Variants in CHL1 observed in about 807,000 individuals in gnomAD.
The protein encoded by CHL1 is cell adhesion molecule L1 like.
A neutral mutation model predicts 141.9 loss-of-function variants in CHL1; 96 were observed. That is an observed-to-expected ratio of 0.68 (90% confidence interval 0.57 to 0.80). The LOEUF is 0.80. Among genes scored for constraint, CHL1 ranks in the 30% least tolerant of loss-of-function variants. CHL1 has a pLI of 0.00. For synonymous variants in CHL1, 613 were observed against 502.2 expected (o/e 1.22, Z -2.95); for missense variants, 1,820 against 1,457.2 (o/e 1.25, Z -4.05).
rs1698319713 is a variant in CHL1, at chr3:297,686, C to G, written c.-94-21997C>G. ...TGTCCTGATAGAACACTTCAAATAC[C>G]ATTTGGCTGCTACTTCTCTCTGGGT... On this transcript the variant is annotated intron_variant, in intron 2 of 27. Coordinates refer to ENST00000256509, the MANE Select transcript of CHL1 (RefSeq NM_006614.4). Among the ~76,000 whole-genome samples, 4 of 152,108 alleles carry G rather than the reference C, an allele frequency of 2.6e-5. No homozygotes were observed. In the South Asian group the frequency reaches 8.3e-4, roughly 32 times the overall value.
Position 319,667 on chromosome 3 carries a change from C to T in CHL1, c.-94-16C>T. The T allele has an allele frequency of 1.0e-5, 5 of 495,356 alleles. No individual in the cohort carries two copies. Among genetic ancestry groups the T allele is most frequent in the South Asian group, 2.1e-5 (1 of 47,458 alleles). The allele number at this position is 495,356 out of a possible 1,614,324, so 30.7% of individuals were successfully genotyped here. On this transcript the variant is annotated splice_polypyrimidine_tract_variant and intron_variant, in intron 2 of 27. Transcript: ENST00000256509. Reference sequence around the variant, plus strand: ...AGAGTTTGTGAACTAACATGTTATTCTGTTTGTGTTTTTAGTTTCCAGGTT... The same window carrying T: ...AGAGTTTGTGAACTAACATGTTATTTTGTTTGTGTTTTTAGTTTCCAGGTT...
chr3:336,834 A>G (rs967567979), intron 5 of CHL1, among the ~76,000 whole-genome samples: 1 of 152,204 alleles, frequency 6.6e-6, no homozygotes, highest in African/African-American at 2.4e-5. Flanking sequence ...GAGCTCCTGC[A>G]AATTTTGTAT....
At chr3:337,544 G>A (rs1206220075) in intron 5 of CHL1, among the ~76,000 whole-genome samples, 13 of 145,862 alleles carry the variant, frequency 8.9e-5, no homozygotes, top group East Asian at 2.0e-4. Flanking sequence ...AGGCCCCGGT[G>A]TGTGATGTCC....
At chr3:294,557 T>A (rs1254543007) in intron 2 of CHL1, among the ~76,000 whole-genome samples, 1 of 152,118 alleles carries the variant, frequency 6.6e-6, no homozygotes, top group African/African-American at 2.4e-5. Flanking sequence ...GAGAGAAAAA[T>A]CTTATCATTT....
chr3:387,332 G>A (rs1707830335), intron 19 of CHL1, among the ~76,000 whole-genome samples: 1 of 152,168 alleles, frequency 6.6e-6, no homozygotes, highest in East Asian at 1.9e-4. Context: ...GCAGAGGGAA[G>A]GGAAGGCTGG....
At chr3:211,426 C>T (rs1403373762) in intron 1 of CHL1, among the ~76,000 whole-genome samples, 1 of 152,188 alleles carries the variant, frequency 6.6e-6, no homozygotes, top group Non-Finnish European at 1.5e-5. Context: ...TCTTGAGCTG[C>T]TTATTCCTCT....
At chr3:227,531 C>A (rs191567011) in intron 1 of CHL1, among the ~76,000 whole-genome samples, 1 of 152,104 alleles carries the variant, frequency 6.6e-6, no homozygotes, top group African/African-American at 2.4e-5. Context: ...ATGTGGAGAA[C>A]AAATACAAAA....
intron 1 of CHL1, among the ~76,000 whole-genome samples, chr3:222,646 C>T (rs1700951738): frequency 6.6e-6 from 1 of 152,118 alleles, no homozygotes; most frequent in Admixed American, 6.6e-5. Context: ...GAGACAGGCA[C>T]TATTTTGTAG....
intron 2 of CHL1, among the ~76,000 whole-genome samples, chr3:280,646 G>A (rs1162102642): frequency 6.6e-6 from 1 of 152,084 alleles, no homozygotes; most frequent in Non-Finnish European, 1.5e-5. Flanking sequence ...ACAAGATGCA[G>A]GACTCAAGAG....
intron 4 of CHL1, among the ~76,000 whole-genome samples, chr3:326,387 C>T (rs188863072): frequency 1.7e-4 from 26 of 152,070 alleles, no homozygotes; most frequent in African/African-American, 7.2e-5. Context: ...CTTTATTCTA[C>T]TTAGTAAAAT....
intron 15 of CHL1, among the ~76,000 whole-genome samples, chr3:370,171 G>A (rs1445203367): frequency 6.6e-6 from 1 of 152,146 alleles, no homozygotes; most frequent in East Asian, 1.9e-4. Context: ...TAGAAGGAAT[G>A]GTATCAGCTC....
At chr3:301,350 C>T (rs1490977196) in intron 2 of CHL1, among the ~76,000 whole-genome samples, 1 of 152,088 alleles carries the variant, frequency 6.6e-6, no homozygotes, top group Non-Finnish European at 1.5e-5. Context: ...TCTGGCTGTA[C>T]CAAAAATATA....
At chr3:350,054 T>C (rs1182954162) in intron 10 of CHL1, among the ~76,000 whole-genome samples, 8 of 152,202 alleles carry the variant, frequency 5.3e-5, no homozygotes, top group Non-Finnish European at 7.3e-5. Flanking sequence ...ATAACACTTT[T>C]GTAATCCATA....
intron 5 of CHL1, among the ~76,000 whole-genome samples, chr3:330,728 G>T (rs1219236104): frequency 6.6e-6 from 1 of 152,110 alleles, no homozygotes; most frequent in Admixed American, 6.6e-5. Context: ...TGACCAGCTG[G>T]TTCAAAAATA....
chr3:221,008 A>G (rs1481754610), intron 1 of CHL1, among the ~76,000 whole-genome samples: 3 of 152,170 alleles, frequency 2.0e-5, no homozygotes, highest in Non-Finnish European at 2.9e-5. Context: ...ACTCCCTTCT[A>G]TCGATTCCAG....
intron 2 of CHL1, among the ~76,000 whole-genome samples, chr3:261,905 T>C (rs954700208): frequency 2.7e-5 from 4 of 150,282 alleles, no homozygotes; most frequent in Non-Finnish European, 5.9e-5. Context: ...TGGGAATTTT[T>C]AGCAGCTTGA....
intron 23 of CHL1, among the ~76,000 whole-genome samples, chr3:393,287 G>C (rs1364270114): frequency 6.7e-6 from 1 of 149,012 alleles, no homozygotes; most frequent in Non-Finnish European, 1.5e-5. Context: ...AATTCTAGAT[G>C]TTGAGCTCTT....
chr3:390,042 T>C (rs76300119), intron 20 of CHL1, among the ~76,000 whole-genome samples: 6,112 of 152,342 alleles, frequency 0.04, 164 homozygotes, highest in Middle Eastern at 0.071. Context: ...GGGGTTATTC[T>C]CATTGCCTTT....
intron 1 of CHL1, among the ~76,000 whole-genome samples, chr3:227,135 A>T (rs986311585): frequency 6.6e-6 from 1 of 152,180 alleles, no homozygotes; most frequent in East Asian, 1.9e-4. Context: ...TCCCATGCAC[A>T]TCTTACTTTT....
Sources: gnomAD v4.1 joint callset for allele counts (sites outside exome capture counted in the v4.1 genomes callset) on GRCh38, gnomAD v4.1.1 for gene constraint, MANE v1.5 for transcripts, NCBI Gene and HGNC (gene_info 2026-07-23, HGNC 2026-07-21) for gene names.